Variants in VWDE observed in about 807,000 individuals in gnomAD.
VWDE encodes von Willebrand factor D and EGF domains.
Under a neutral mutation model 178.4 loss-of-function variants are expected in VWDE, and 207 were observed. The ratio of observed to expected loss-of-function variants is 1.16; its 90% CI spans 1.04 to 1.30. The LOEUF is 1.30. Ranked by LOEUF, VWDE falls within the 50% of genes most tolerant of loss-of-function variation. The pLI, the probability that VWDE is intolerant of heterozygous loss-of-function variation, is 0.00. For missense variants in VWDE, 2,287 were observed against 1,901.3 expected (o/e 1.20, Z -3.77); for synonymous variants, 738 against 651.4 (o/e 1.13, Z -2.02).
chr7:12,354,348 A>C (rs6944626), intron 18 of VWDE: 366,284 of 417,008 alleles, frequency 0.88, 161,378 homozygotes, highest in Admixed American at 0.92. Flanking sequence ...AGAAACTTTT[A>C]CCATGGCATA....
intron 22 of VWDE, 43 bp downstream of exon 22, chr7:12,343,040 G>T: frequency 7.0e-7 from 1 of 1,421,994 alleles, no homozygotes; most frequent in South Asian, 1.3e-5. Context: ...ACTATTCAAA[G>T]AAGCAGTTTC....
chr7:12,378,559 G>A (rs1307570118), intron 6 of VWDE, among the ~76,000 whole-genome samples: 4 of 152,064 alleles, frequency 2.6e-5, no homozygotes, highest in Non-Finnish European at 4.4e-5. Flanking sequence ...TCTTAATACT[G>A]AATATTCTCC....
intron 16 of VWDE, among the ~76,000 whole-genome samples, chr7:12,358,795 T>C (rs1782416186): frequency 6.6e-6 from 1 of 152,240 alleles, no homozygotes; most frequent in South Asian, 2.1e-4. Context: ...AGAAGTTGTA[T>C]TGTATTTTCA....
At chr7:12,392,698 TGAA>T (rs1273786864) in intron 2 of VWDE, among the ~76,000 whole-genome samples, 2 of 151,096 alleles carry the variant, frequency 1.3e-5, no homozygotes, top group Non-Finnish European at 2.9e-5. Flanking sequence ...ATTTGTCAAA[TGAA>T]ATAAGAATGA....
intron 27 of VWDE, 88 bp from the exon 28 acceptor site, chr7:12,333,656 GA>G: frequency 2.4e-6 from 2 of 817,212 alleles, no homozygotes; most frequent in Non-Finnish European, 4.1e-6. Context: ...GCTATCTGGT[GA>G]TTGGACACCA....
At chr7:12,388,519 C>T (rs1022913650) in intron 3 of VWDE, among the ~76,000 whole-genome samples, 5 of 152,208 alleles carry the variant, frequency 3.3e-5, no homozygotes, top group South Asian at 2.1e-4. Flanking sequence ...TCTTTAAAGA[C>T]GCTTCGTTTC....
At chr7:12,351,862 C>T in intron 18 of VWDE, 149 bp from the exon 19 acceptor site, 1 of 660,904 alleles carries the variant, frequency 1.5e-6, no homozygotes, top group Non-Finnish European at 2.4e-6. Context: ...CTTCTGCACA[C>T]TTTTCTGGTA....
chr7:12,388,127 G>A (rs1784197321), intron 3 of VWDE, among the ~76,000 whole-genome samples: 1 of 151,810 alleles, frequency 6.6e-6, no homozygotes, highest in African/African-American at 2.4e-5. Context: ...TTCTTTCCTG[G>A]TTTTTCATAA....
chr7:12,354,466 A>T (rs1272647557), intron 18 of VWDE: 1 of 384,714 alleles, frequency 2.6e-6, no homozygotes, highest in East Asian at 8.3e-5. Context: ...ACACTCATCA[A>T]CATCTTCCTG....
At chr7:12,396,071 A>C (rs1451457640) in intron 1 of VWDE, among the ~76,000 whole-genome samples, 2 of 152,190 alleles carry the variant, frequency 1.3e-5, no homozygotes, top group African/African-American at 4.8e-5. Flanking sequence ...GTAATATATA[A>C]TAGAATTTAC....
Position 12,399,961 on chromosome 7 carries a change from C to A in VWDE, c.58+3698G>T, listed in dbSNP as rs549186294. ...TTACAAATATGTGGAAATTAAACAA[C>A]CGAAATAATCACTGAGTCAAAGAAT... On this transcript the variant is annotated intron_variant, in intron 1 of 28. Coordinates refer to ENST00000275358, the MANE Select transcript of VWDE (RefSeq NM_001135924.3). Among the ~76,000 whole-genome samples, 3 of 151,908 alleles carry A rather than the reference C, an allele frequency of 2.0e-5. No homozygotes were observed. The East Asian group carries it at 5.8e-4, about 29-fold the overall frequency.
chr7:12,385,809 A>G lies in VWDE; in HGVS notation c.476-2208T>C, dbSNP rs533744329. Among the ~76,000 whole-genome samples the G allele has an allele frequency of 1.6e-3, 238 of 152,292 alleles. 2 individuals carry two copies. Among genetic ancestry groups the G allele is most frequent in the South Asian group, 0.013 (62 of 4,826 alleles). On this transcript the variant is annotated intron_variant, in intron 3 of 28. Coordinates refer to ENST00000275358, the MANE Select transcript of VWDE (RefSeq NM_001135924.3). ...GATTAACAGACATTAAGAGTAAAAA[A>G]ATAACAATTGTCTCCCAGAATTCCT... is the stretch of plus-strand genomic sequence containing the variant.
chr7:12,358,467 AT>A (rs1483282390), intron 16 of VWDE, among the ~76,000 whole-genome samples: 5 of 151,964 alleles, frequency 3.3e-5, no homozygotes, highest in Non-Finnish European at 7.4e-5. Flanking sequence ...ATATTGTCTT[AT>A]ATTAAAAAAT....
At chr7:12,361,549 C>T in intron 13 of VWDE, 28 bp from the exon 14 acceptor site, 1 of 1,485,042 alleles carries the variant, frequency 6.7e-7, no homozygotes, top group African/African-American at 1.4e-5. Context: ...AAAAAATTAA[C>T]CTCTGTTAAA....
intron 18 of VWDE, among the ~76,000 whole-genome samples, chr7:12,353,357 C>A (rs1182845704): frequency 6.6e-6 from 1 of 152,160 alleles, no homozygotes; most frequent in Admixed American, 6.5e-5. Context: ...CTCATTTAAC[C>A]TTAATTACTT....
At chr7:12,345,550 G>C (rs957658110) in intron 19 of VWDE, among the ~76,000 whole-genome samples, 2 of 152,116 alleles carry the variant, frequency 1.3e-5, no homozygotes, top group African/African-American at 4.8e-5. Flanking sequence ...AATAGCAATT[G>C]CTTTTGTAAT....
intron 28 of VWDE, among the ~76,000 whole-genome samples, chr7:12,331,617 T>G (rs1780726984): frequency 6.6e-6 from 1 of 152,174 alleles, no homozygotes; most frequent in Non-Finnish European, 1.5e-5. Flanking sequence ...TCTTACATAG[T>G]GCTTGTTATG....
Position 12,379,474 on chromosome 7 carries a change from T to C in VWDE, c.879+3A>G, listed in dbSNP as rs1286505773. On this transcript the variant is annotated splice_donor_region_variant and intron_variant, in intron 6 of 28. Coordinates refer to ENST00000275358, the MANE Select transcript of VWDE (RefSeq NM_001135924.3). ...TTTCTGATGCATCCCCACTGCTGCGTACCTTAAAGCCTGCAAAAAATTCTT... is the reference window on the plus strand; with the variant it reads ...TTTCTGATGCATCCCCACTGCTGCGCACCTTAAAGCCTGCAAAAAATTCTT... The C allele has an allele frequency of 3.2e-6, 5 of 1,545,460 alleles. No homozygotes were observed. The highest frequency in any genetic ancestry group is 2.0e-5 in the Admixed American group (1 of 50,442).
chr7:12,379,201 G>A (rs1346922775), intron 6 of VWDE, among the ~76,000 whole-genome samples: 4 of 152,110 alleles, frequency 2.6e-5, no homozygotes, highest in East Asian at 1.9e-4. Context: ...TTCGTTACAC[G>A]ATGGAATGAA....
Sources: allele counts gnomAD v4.1 joint callset (sites outside exome capture counted in the v4.1 genomes callset), GRCh38; gene constraint gnomAD v4.1.1; transcripts MANE v1.5; gene names NCBI Gene and HGNC (gene_info 2026-07-23, HGNC 2026-07-21).